The following LRP1B variants were observed in gnomAD, a reference collection of about 807,000 sequenced individuals.
LRP1B encodes low-density lipoprotein receptor-related protein 1B.
A neutral mutation model predicts 556.6 loss-of-function variants in LRP1B; 217 were observed. The ratio of observed to expected loss-of-function variants is 0.39; its 90% CI spans 0.35 to 0.44. The LOEUF is 0.44. LRP1B is among the 20% of genes least tolerant of loss of function. LRP1B has a pLI of 1.00. For synonymous variants in LRP1B, 2,047 were observed against 1,865.8 expected (o/e 1.10, Z -2.50); for missense variants, 5,053 against 5,620.8 (o/e 0.90, Z 3.23).
intron 7 of LRP1B, among the ~76,000 whole-genome samples, chr2:141,148,710 T>C (rs899009136): frequency 2.6e-5 from 4 of 152,186 alleles, no homozygotes; most frequent in African/African-American, 9.7e-5. Context: ...AAGTGATGGA[T>C]GTTCTCAGTG....
At chr2:142,051,718 A>G (rs11692364) in intron 1 of LRP1B, among the ~76,000 whole-genome samples, 71,785 of 151,760 alleles carry the variant, frequency 0.47, 17,705 homozygotes, top group East Asian at 0.69. Context: ...CTTGTGATCC[A>G]TCCCCCTCGG....
intron 35 of LRP1B, among the ~76,000 whole-genome samples, chr2:140,721,502 A>G (rs181569324): frequency 7.8e-4 from 112 of 144,098 alleles, no homozygotes; most frequent in African/African-American, 2.6e-3. Context: ...GATTCAAGCT[A>G]GTGATAAATG....
At chr2:141,161,799 C>T (rs1352849118) in intron 7 of LRP1B, among the ~76,000 whole-genome samples, 1 of 152,058 alleles carries the variant, frequency 6.6e-6, no homozygotes, top group African/African-American at 2.4e-5. Flanking sequence ...TCAGCTATGA[C>T]ACAAGCTCAC....
Position 141,088,719 on chromosome 2 carries a change from C to A in LRP1B, c.1014-26446G>T, listed in dbSNP as rs557271351. Reference sequence around the variant, plus strand: ...TGGAAACTGCAAGGTAAATCGAAACCATGGTTTCTGACCTTGTCTCAGGCA... The same window carrying A: ...TGGAAACTGCAAGGTAAATCGAAACAATGGTTTCTGACCTTGTCTCAGGCA... On this transcript the variant is annotated intron_variant, in intron 7 of 90. Transcript: ENST00000389484. Among the ~76,000 whole-genome samples the A allele has an allele frequency of 2.0e-5, 3 of 152,146 alleles. No individual in the cohort carries two copies. In the South Asian group the frequency reaches 6.2e-4, roughly 32 times the overall value.
At chr2:141,389,133 C>T (rs914659631) in intron 3 of LRP1B, among the ~76,000 whole-genome samples, 6 of 152,116 alleles carry the variant, frequency 3.9e-5, no homozygotes, top group African/African-American at 1.4e-4. Context: ...AGCCAATCCT[C>T]AAATTCTTAT....
At chr2:141,296,699 C>T (rs1043804119) in intron 3 of LRP1B, among the ~76,000 whole-genome samples, 6 of 152,146 alleles carry the variant, frequency 3.9e-5, no homozygotes, top group South Asian at 4.1e-4. Context: ...GTGCTGTTGA[C>T]ACCCTTTTAG....
chr2:140,617,870 C>T (rs1683313364), intron 41 of LRP1B, among the ~76,000 whole-genome samples: 1 of 151,932 alleles, frequency 6.6e-6, no homozygotes, highest in Non-Finnish European at 1.5e-5. Context: ...CTGTTGAGAA[C>T]TTTCTTTCTA....
At chr2:142,110,343 TA>T (rs1410499567) in intron 1 of LRP1B, among the ~76,000 whole-genome samples, 1 of 152,034 alleles carries the variant, frequency 6.6e-6, no homozygotes. Context: ...TGATAAAATT[TA>T]AAAAAAGCTA....
chr2:141,163,006 T>G (rs1011996868), intron 7 of LRP1B, among the ~76,000 whole-genome samples: 3 of 152,102 alleles, frequency 2.0e-5, no homozygotes, highest in Non-Finnish European at 4.4e-5. Context: ...GAAAGAGGTT[T>G]GTCATCGTCA....
chr2:141,658,369 T>C (rs1290845736), intron 2 of LRP1B, among the ~76,000 whole-genome samples: 5 of 152,192 alleles, frequency 3.3e-5, no homozygotes, highest in African/African-American at 9.6e-5. Flanking sequence ...TTTACACATT[T>C]CAGGGCTTGC....
intron 35 of LRP1B, among the ~76,000 whole-genome samples, chr2:140,766,228 A>G (rs773322517): frequency 7.2e-5 from 11 of 151,972 alleles, no homozygotes; most frequent in Non-Finnish European, 1.3e-4. Context: ...AAACAAGTAG[A>G]GACTGACACA....
At chr2:140,465,167 T>C (rs1687493205) in intron 60 of LRP1B, among the ~76,000 whole-genome samples, 1 of 152,072 alleles carries the variant, frequency 6.6e-6, no homozygotes, top group Non-Finnish European at 1.5e-5. Flanking sequence ...ACACATCACA[T>C]GGCAAAACAG....
Position 140,601,633 on chromosome 2 carries a change from C to A in LRP1B, c.6806G>T (p.Gly2269Val), listed in dbSNP as rs780715338. The change falls in exon 42 of 91, where the codon GGT becomes GTT. Residue 2269 changes from glycine to valine, a missense_variant. Coordinates refer to ENST00000389484, the MANE Select transcript of LRP1B (RefSeq NM_018557.3). ...GTGATAGGCAAGTCCTTCCACAGAA[C>A]CCACATCTAGTGGGGGAAGAAAAAG... ...EDRQVIVENV[G>V]SVEGLAYHRA... The A allele has an allele frequency of 6.3e-7, 1 of 1,577,468 alleles. No individual in the cohort carries two copies. Among genetic ancestry groups the A allele is most frequent in the Non-Finnish European group, 8.6e-7 (1 of 1,158,398 alleles).
chr2:140,333,288 C>T (rs1372099653), intron 79 of LRP1B, among the ~76,000 whole-genome samples: 3 of 152,068 alleles, frequency 2.0e-5, no homozygotes, highest in Non-Finnish European at 4.4e-5. Context: ...GACAGCCCAT[C>T]TCTTACTTTG....
At chr2:140,277,180 C>T (rs79367116) in intron 84 of LRP1B, among the ~76,000 whole-genome samples, 25,859 of 151,728 alleles carry the variant, frequency 0.17, 2,703 homozygotes, top group East Asian at 0.34. Context: ...GACCACACTC[C>T]AGCAAAGAGT....
At chr2:141,036,508 C>T (rs1369067561) in intron 11 of LRP1B, among the ~76,000 whole-genome samples, 11 of 152,068 alleles carry the variant, frequency 7.2e-5, no homozygotes, top group Admixed American at 1.3e-4. Flanking sequence ...AGCAAGACAA[C>T]GGTCCTGTGA....
chr2:142,017,534 A>G (rs574393378), intron 1 of LRP1B, among the ~76,000 whole-genome samples: 7 of 152,236 alleles, frequency 4.6e-5, no homozygotes, highest in Non-Finnish European at 8.8e-5. Flanking sequence ...AGCCTGGCAC[A>G]TAGAAGGTGT....
rs115988192 is a variant in LRP1B, at chr2:141,535,146, C to T, written c.206-54613G>A. On this transcript the variant is annotated intron_variant, in intron 2 of 90. Transcript: ENST00000389484. ...CTGCTCTATTTTCTCATGCATCACTCTCCTTAGCGTCTGCTGGTAACACTT... is the reference window on the plus strand; with the variant it reads ...CTGCTCTATTTTCTCATGCATCACTTTCCTTAGCGTCTGCTGGTAACACTT... Among the ~76,000 whole-genome samples, 1,004 of 152,256 alleles carry T rather than the reference C, an allele frequency of 6.6e-3. 12 individuals carry two copies. Among genetic ancestry groups the T allele is most frequent in the African/African-American group, 0.023 (963 of 41,554 alleles).
chr2:141,566,531 T>C (rs1247834555), intron 2 of LRP1B, among the ~76,000 whole-genome samples: 1 of 152,198 alleles, frequency 6.6e-6, no homozygotes, highest in Admixed American at 6.6e-5. Flanking sequence ...CCACCATTCT[T>C]TATTGGTATT....
Sources: gnomAD v4.1 joint callset for allele counts (sites outside exome capture counted in the v4.1 genomes callset) on GRCh38, gnomAD v4.1.1 for gene constraint, MANE v1.5 for transcripts, NCBI Gene and HGNC (gene_info 2026-07-23, HGNC 2026-07-21) for gene names.